PDSS2: variants seen among roughly 807,000 people sequenced by gnomAD.
PDSS2 encodes the protein decaprenyl diphosphate synthase subunit 2.
Under a neutral mutation model 44.5 loss-of-function variants are expected in PDSS2, and 31 were observed. That is an observed-to-expected ratio of 0.70 (90% CI 0.52 to 0.94). The LOEUF (loss-of-function observed/expected upper bound fraction) is 0.94. Ranked by LOEUF, PDSS2 falls within the 40% of genes least tolerant of loss-of-function variation. PDSS2 has a pLI of 0.00. For synonymous variants in PDSS2, 157 were observed against 180.3 expected (o/e 0.87, Z 1.03); for missense variants, 452 against 482.2 (o/e 0.94, Z 0.59).
chr6:107,435,243 T>C (rs991253252), intron 1 of PDSS2, among the ~76,000 whole-genome samples: 1 of 150,286 alleles, frequency 6.7e-6, no homozygotes, highest in Non-Finnish European at 1.5e-5. Context: ...CATGCCACCA[T>C]ACTGCAGCCT....
At chr6:107,439,475 C>CA (rs1221552762) in intron 1 of PDSS2, among the ~76,000 whole-genome samples, 3 of 152,166 alleles carry the variant, frequency 2.0e-5, no homozygotes, top group African/African-American at 7.2e-5. Context: ...TGCTACATGC[C>CA]ACCTCTCCCT....
intron 4 of PDSS2, among the ~76,000 whole-genome samples, chr6:107,230,794 A>G (rs532374198): frequency 4.4e-4 from 67 of 152,318 alleles, no homozygotes; most frequent in African/African-American, 1.5e-3. Flanking sequence ...AGGACATTAC[A>G]GTGACATGGC....
At chr6:107,274,324 G>A (rs1775700383) in intron 2 of PDSS2, 97 bp from the exon 3 acceptor site, 8 of 960,444 alleles carry the variant, frequency 8.3e-6, no homozygotes, top group African/African-American at 3.3e-5. Context: ...TCCATAGGTT[G>A]CCCCCCACTT....
rs149988706 is a variant in PDSS2 at position 107,163,186 on chromosome 6, A to G, written c.1042-8409T>C. 2.8e-4 allele frequency among the ~76,000 whole-genome samples: 42 copies of G among 152,346 alleles called. 1 individual carries two copies. The highest frequency in any genetic ancestry group is 1.0e-3 in the African/African-American group (42 of 41,588). ...GCTTTATTCAGCCAGGCTAAACTAA[A>G]TATCTGATGATAGCTAACAGGGTAT... On this transcript the variant is annotated intron_variant, in intron 7 of 7. Coordinates refer to ENST00000369037, the MANE Select transcript of PDSS2 (RefSeq NM_020381.4).
At chr6:107,307,728 T>G (rs1562451266) in intron 2 of PDSS2, among the ~76,000 whole-genome samples, 1 of 152,170 alleles carries the variant, frequency 6.6e-6, no homozygotes, top group African/African-American at 2.4e-5. Flanking sequence ...GTCTTCCCTA[T>G]TCACTGGTCT....
intron 3 of PDSS2, among the ~76,000 whole-genome samples, chr6:107,270,060 C>T (rs532571393): frequency 2.6e-4 from 40 of 152,170 alleles, no homozygotes; most frequent in Admixed American, 8.5e-4. Context: ...ATCTGATCAA[C>T]GACAGACAAC....
At chr6:107,385,731 TTC>T (rs921456576) in intron 1 of PDSS2, among the ~76,000 whole-genome samples, 1 of 152,046 alleles carries the variant, frequency 6.6e-6, no homozygotes, top group Admixed American at 6.6e-5. Context: ...ATCTTTTTTT[TTC>T]TCTCTCTTTT....
At position 107,459,512 on chromosome 6, in the gene PDSS2, C is replaced by G. The variant is rs900368808; in HGVS notation, c.-227G>C. ...CAGCTCAGCACTGCCCCCGGCCACC[C>G]GGGGTAGAAACCACAGCCACTGCCT... is the stretch of plus-strand genomic sequence containing the variant. On this transcript the variant is annotated 5_prime_UTR_variant, in exon 1 of 8. Transcript: ENST00000369037. This position sits in a 1 kb window ranked among gnomAD's most constrained non-coding sequence, Gnocchi z 4.3. 7.0e-6 allele frequency: 4 copies of G among 573,586 alleles called. No homozygotes were observed. Among genetic ancestry groups the G allele is most frequent in the African/African-American group, 5.6e-5 (3 of 53,302 alleles). 35.5% of individuals were successfully genotyped at this position (573,586 alleles called of 1,614,324 possible).
At chr6:107,429,901 A>AAAAAAAATATATATATATATATAT (rs1166637352) in intron 1 of PDSS2, among the ~76,000 whole-genome samples, 1 of 31,836 alleles carries the variant, frequency 3.1e-5, no homozygotes, top group Non-Finnish European at 5.3e-5. Context: ...AAAAAAAAAA[A>AAAAAAAATATATATATATATATAT]ATATATATAT....
At chr6:107,254,912 G>A (rs1774956301) in intron 3 of PDSS2, among the ~76,000 whole-genome samples, 1 of 151,754 alleles carries the variant, frequency 6.6e-6, no homozygotes, top group Non-Finnish European at 1.5e-5. Flanking sequence ...CACCCAGGCT[G>A]GAGTGTAGTG....
chr6:107,184,654 G>C (rs1772101181), intron 7 of PDSS2, among the ~76,000 whole-genome samples: 1 of 152,178 alleles, frequency 6.6e-6, no homozygotes. Context: ...GGACAGAGGA[G>C]AGCAGCAGCT....
intron 4 of PDSS2, among the ~76,000 whole-genome samples, chr6:107,239,175 G>A (rs1000723576): frequency 1.3e-5 from 2 of 152,146 alleles, no homozygotes; most frequent in Admixed American, 6.5e-5. Flanking sequence ...TACTTGGGAG[G>A]CTGAGGCAGG....
At chr6:107,293,964 T>G (rs1291434519) in intron 2 of PDSS2, among the ~76,000 whole-genome samples, 1 of 152,182 alleles carries the variant, frequency 6.6e-6, no homozygotes, top group African/African-American at 2.4e-5. Flanking sequence ...TCTGAATTGC[T>G]TCACAAGAGG....
At chr6:107,214,735 A>G (rs1310793564) in intron 4 of PDSS2, among the ~76,000 whole-genome samples, 1 of 152,222 alleles carries the variant, frequency 6.6e-6, no homozygotes, top group East Asian at 1.9e-4. Flanking sequence ...CTCTTCTGCC[A>G]TGTTGAGGGG....
At chr6:107,449,997 G>A (rs1781814676) in intron 1 of PDSS2, among the ~76,000 whole-genome samples, 1 of 152,202 alleles carries the variant, frequency 6.6e-6, no homozygotes. Context: ...CTGCTGCTAT[G>A]AACATGGGTA....
chr6:107,420,825 GA>G (rs112230353), intron 1 of PDSS2, among the ~76,000 whole-genome samples: 2,684 of 125,972 alleles, frequency 0.021, 70 homozygotes, highest in African/African-American at 0.068. Context: ...ATCTATAAAA[GA>G]AAAAAAAAAA....
chr6:107,374,954 G>GA (rs1779240234), intron 1 of PDSS2, among the ~76,000 whole-genome samples: 1 of 151,914 alleles, frequency 6.6e-6, no homozygotes, highest in Admixed American at 6.6e-5. Context: ...AAGATATCTA[G>GA]AAAATCCCCA....
intron 1 of PDSS2, among the ~76,000 whole-genome samples, chr6:107,400,840 G>C (rs1780084777): frequency 6.6e-6 from 1 of 152,164 alleles, no homozygotes; most frequent in Non-Finnish European, 1.5e-5. Context: ...ACCCAGCTCT[G>C]CCCTGCCCCA....
intron 2 of PDSS2, among the ~76,000 whole-genome samples, chr6:107,288,281 C>T (rs1049017729): frequency 2.6e-5 from 4 of 152,134 alleles, no homozygotes; most frequent in East Asian, 1.9e-4. Flanking sequence ...GCCAAATCTA[C>T]GCCTTCAAAA....
Sources: allele counts gnomAD v4.1 joint callset (sites outside exome capture counted in the v4.1 genomes callset), GRCh38; gene constraint gnomAD v4.1.1; non-coding constraint Gnocchi (gnomAD v3.1); transcripts MANE v1.5; gene names NCBI Gene and HGNC (gene_info 2026-07-23, HGNC 2026-07-21).